Variants in SMG6 observed in about 807,000 individuals in gnomAD.
The protein encoded by SMG6 is SMG6 nonsense mediated mRNA decay factor, also known as telomerase-binding protein EST1A.
Under a neutral mutation model 142.2 loss-of-function variants are expected in SMG6, and 66 were observed. The ratio of observed to expected loss-of-function variants is 0.46; its 90% CI spans 0.38 to 0.57. SMG6 has a LOEUF of 0.57. SMG6 is among the 20% of genes least tolerant of loss of function. The pLI is 0.00. For missense variants in SMG6, 1,793 were observed against 1,832.0 expected (o/e 0.98, Z 0.39); for synonymous variants, 779 against 702.4 (o/e 1.11, Z -1.72).
At chr17:2,173,625 A>C (rs1004085309) in intron 12 of SMG6, among the ~76,000 whole-genome samples, 3 of 152,158 alleles carry the variant, frequency 2.0e-5, no homozygotes, top group African/African-American at 7.2e-5. Flanking sequence ...GAAACCCCCC[A>C]GTCCTGGGCA....
intron 13 of SMG6, chr17:2,087,319 G>A (rs188923603): frequency 8.1e-7 from 1 of 1,227,550 alleles, no homozygotes; most frequent in Non-Finnish European, 1.0e-6. Context: ...GGAAATAAAT[G>A]AGCACCGCTG....
intron 10 of SMG6, among the ~76,000 whole-genome samples, chr17:2,198,950 T>TAAA (rs55660022): frequency 3.9e-5 from 4 of 102,128 alleles, no homozygotes; most frequent in Admixed American, 1.1e-4. Context: ...AAAATAAAAT[T>TAAA]AAAAAAAAAA....
intron 13 of SMG6, among the ~76,000 whole-genome samples, chr17:2,139,425 CTTT>C (rs375417133): frequency 9.3e-5 from 13 of 139,236 alleles, no homozygotes; most frequent in African/African-American, 2.4e-4. Flanking sequence ...CTGCTTTTTT[CTTT>C]TTTTTTTTTT....
chr17:2,186,110 C>T (rs2071974107), intron 12 of SMG6, among the ~76,000 whole-genome samples: 1 of 151,952 alleles, frequency 6.6e-6, no homozygotes, highest in Non-Finnish European at 1.5e-5. Context: ...CACCTGTGGT[C>T]CCAGCTACTC....
chr17:2,109,383 C>A (rs2069245410), intron 13 of SMG6, among the ~76,000 whole-genome samples: 1 of 152,156 alleles, frequency 6.6e-6, no homozygotes, highest in Non-Finnish European at 1.5e-5. Flanking sequence ...CGTGCCTCAG[C>A]CTCGTAAGTA....
chr17:2,128,508 C>T (rs1295568222), intron 13 of SMG6, among the ~76,000 whole-genome samples: 2 of 152,114 alleles, frequency 1.3e-5, no homozygotes, highest in East Asian at 3.8e-4. Context: ...AACCTATACG[C>T]CAATCCAACT....
chr17:2,146,844 G>A (rs750824442), intron 13 of SMG6, among the ~76,000 whole-genome samples: 7 of 152,126 alleles, frequency 4.6e-5, no homozygotes, highest in Admixed American at 3.9e-4. Flanking sequence ...GGGATTACAC[G>A]TGTGAGCCAC....
chr17:2,074,721 C>T (rs2068208759), intron 15 of SMG6, among the ~76,000 whole-genome samples: 1 of 152,218 alleles, frequency 6.6e-6, no homozygotes, highest in Non-Finnish European at 1.5e-5. Flanking sequence ...TATCATAGGA[C>T]TTCGGGGGAC....
intron 6 of SMG6, among the ~76,000 whole-genome samples, chr17:2,290,898 C>T (rs1313224239): frequency 1.3e-5 from 2 of 152,156 alleles, no homozygotes; most frequent in East Asian, 3.8e-4. Flanking sequence ...AAAAGTCATA[C>T]ATTATATGAT....
chr17:2,144,541 G>A (rs2070601360), intron 13 of SMG6, among the ~76,000 whole-genome samples: 2 of 151,164 alleles, frequency 1.3e-5, no homozygotes, highest in Non-Finnish European at 2.9e-5. Flanking sequence ...AGCTTTTTTG[G>A]GAATGATAAT....
At chr17:2,110,005 C>T (rs1597397538) in intron 13 of SMG6, among the ~76,000 whole-genome samples, 2 of 151,258 alleles carry the variant, frequency 1.3e-5, no homozygotes, top group East Asian at 3.9e-4. Flanking sequence ...ATTGCTTGAA[C>T]CCGGAGGCAG....
chr17:2,236,613 A>T lies in SMG6; in HGVS notation c.2748T>A (p.Ala916=), dbSNP rs150521510. ...RIGMETFPAV[A]EKVLKEFQVL... ...CCTGGAACTCCTTGAGGACCTTCTC[A>T]GCCACTGCAGGGAATGTCTCCATCC... The change falls in exon 10 of 19, where the codon GCT becomes GCA. Residue 916 remains alanine, a synonymous_variant. Coordinates refer to ENST00000263073, the MANE Select transcript of SMG6 (RefSeq NM_017575.5). The T allele has an allele frequency of 6.2e-7, 1 of 1,613,218 alleles. No homozygotes were observed. The highest frequency in any genetic ancestry group is 8.5e-7 in the Non-Finnish European group (1 of 1,179,674).
At chr17:2,217,172 C>A (rs1285893346) in intron 10 of SMG6, among the ~76,000 whole-genome samples, 2 of 151,986 alleles carry the variant, frequency 1.3e-5, no homozygotes, top group African/African-American at 2.4e-5. Flanking sequence ...GAATTAGAAC[C>A]TAGTTTTATC....
rs117592425 is a variant in SMG6, at chr17:2,121,270, A to C, written c.3358-35369T>G. Among the ~76,000 whole-genome samples the C allele has an allele frequency of 8.0e-3, 1,214 of 152,308 alleles. 7 individuals are homozygous for C. Among genetic ancestry groups the C allele is most frequent in the Middle Eastern group, 0.014 (4 of 294 alleles). The stretch of plus-strand genomic sequence containing the variant: ...AACAGATTCACTGTCAACCAGATAA[A>C]CTGTGACATATTCATAAAATGGAAT... On this transcript the variant is annotated intron_variant, in intron 13 of 18. Transcript: ENST00000263073.
At chr17:2,282,390 C>CAAAAAAAAAACA (rs2074806984) in intron 8 of SMG6, among the ~76,000 whole-genome samples, 1 of 84,524 alleles carries the variant, frequency 1.2e-5, no homozygotes, top group Non-Finnish European at 2.3e-5. Context: ...CAAAAAGCAG[C>CAAAAAAAAAACA]AAAAAAAAAA....
intron 10 of SMG6, among the ~76,000 whole-genome samples, chr17:2,205,380 T>G (rs183180496): frequency 6.6e-6 from 1 of 152,222 alleles, no homozygotes; most frequent in Admixed American, 6.5e-5. Flanking sequence ...CCACCACGCC[T>G]GGCCTGTATC....
intron 11 of SMG6, among the ~76,000 whole-genome samples, chr17:2,187,793 G>C (rs766063619): frequency 1.3e-5 from 2 of 151,460 alleles, no homozygotes; most frequent in African/African-American, 2.4e-5. Context: ...CAAAGCTGGT[G>C]CGGCATGGGG....
chr17:2,137,096 G>A (rs1289537762), intron 13 of SMG6, among the ~76,000 whole-genome samples: 1 of 152,190 alleles, frequency 6.6e-6, no homozygotes, highest in Non-Finnish European at 1.5e-5. Context: ...GAACCCAGGA[G>A]GTGGAGGTTG....
At chr17:2,264,137 A>AATGT (rs1450943865) in intron 8 of SMG6, among the ~76,000 whole-genome samples, 2 of 152,084 alleles carry the variant, frequency 1.3e-5, no homozygotes, top group Non-Finnish European at 2.9e-5. Flanking sequence ...ACAAGGATCC[A>AATGT]ATGTACAGGT....
Sources: allele counts gnomAD v4.1 joint callset (sites outside exome capture counted in the v4.1 genomes callset), GRCh38; gene constraint gnomAD v4.1.1; transcripts MANE v1.5; gene names NCBI Gene and HGNC (gene_info 2026-07-23, HGNC 2026-07-21).